Variants in PTPRB observed in about 807,000 individuals in gnomAD.
PTPRB encodes receptor-type tyrosine-protein phosphatase beta.
A neutral mutation model predicts 238.1 loss-of-function variants in PTPRB; 97 were observed. That is an observed-to-expected ratio of 0.41 (90% CI 0.35 to 0.48). The LOEUF (loss-of-function observed/expected upper bound fraction) is 0.48, where lower values mean the gene tolerates loss of function less well. Among genes scored for constraint, PTPRB ranks in the 20% least tolerant of loss-of-function variants. PTPRB has a pLI of 0.30. For synonymous variants in PTPRB, 970 were observed against 995.4 expected (o/e 0.97, Z 0.48); for missense variants, 2,292 against 2,681.9 (o/e 0.85, Z 3.21).
chr12:70,590,590 CTT>C (rs34092195), intron 7 of PTPRB, among the ~76,000 whole-genome samples: 10,821 of 106,028 alleles, frequency 0.1, 816 homozygotes, highest in African/African-American at 0.32. Context: ...AGATTAAGTT[CTT>C]TTTTTTTTTT....
chr12:70,521,996 A>G (rs1431429849), intron 33 of PTPRB, among the ~76,000 whole-genome samples: 1 of 152,222 alleles, frequency 6.6e-6, no homozygotes, highest in Non-Finnish European at 1.5e-5. Context: ...CCCATGCAAA[A>G]ACCTTAATTT....
chr12:70,556,900 C>T (rs1347081389), intron 18 of PTPRB, among the ~76,000 whole-genome samples: 1 of 152,176 alleles, frequency 6.6e-6, no homozygotes, highest in African/African-American at 2.4e-5. Context: ...TACTATGTGC[C>T]AGGTGCTCTT....
chr12:70,633,086 A>G (rs138199877), intron 2 of PTPRB, among the ~76,000 whole-genome samples: 172 of 152,334 alleles, frequency 1.1e-3, no homozygotes, highest in African/African-American at 4.1e-3. Flanking sequence ...AGAACACACA[A>G]AAAAATTCAC....
At chr12:70,601,087 C>T (rs185546256) in intron 4 of PTPRB, among the ~76,000 whole-genome samples, 4 of 152,132 alleles carry the variant, frequency 2.6e-5, no homozygotes, top group East Asian at 1.9e-4. Flanking sequence ...AGGCTGGTCT[C>T]GAACTCCTGA....
At chr12:70,573,420 C>T (rs955446824) in intron 11 of PTPRB, among the ~76,000 whole-genome samples, 5 of 151,032 alleles carry the variant, frequency 3.3e-5, no homozygotes, top group Non-Finnish European at 5.9e-5. Flanking sequence ...TTCTTGTGTA[C>T]ATGTTAAATT....
At chr12:70,564,843 AAATAATAATAAT>A (rs138995596) in intron 15 of PTPRB, among the ~76,000 whole-genome samples, 5,772 of 96,390 alleles carry the variant, frequency 0.06, 131 homozygotes, top group Non-Finnish European at 0.082. Flanking sequence ...CAAAAATAAT[AAATAATAATAAT>A]AATAATAATA....
chr12:70,602,407 T>C (rs1883586349), intron 4 of PTPRB, among the ~76,000 whole-genome samples: 1 of 152,328 alleles, frequency 6.6e-6, no homozygotes, highest in South Asian at 2.1e-4. Context: ...TAAAATGCTG[T>C]ATAAATGCAA....
chr12:70,588,747 G>A (rs1230439553), intron 8 of PTPRB, among the ~76,000 whole-genome samples: 1 of 152,162 alleles, frequency 6.6e-6, no homozygotes, highest in African/African-American at 2.4e-5. Flanking sequence ...GAGGCCAGGA[G>A]TTTGAGACCA....
chr12:70,576,259 A>G, intron 11 of PTPRB, 123 bp downstream of exon 11: 1 of 1,088,698 alleles, frequency 9.2e-7, no homozygotes, highest in African/African-American at 1.6e-5. Flanking sequence ...CGAAGACTTC[A>G]TAACAGTTTT....
chr12:70,594,548 T>A lies in PTPRB; in HGVS notation c.1435A>T (p.Thr479Ser). The stretch of plus-strand genomic sequence containing the variant: ...GTGAGGTTGTAGAGGTAGCCAGGGG[T>A]CAGCCCGTGAAAAGCATAGGAAGTA... ...HATSYAFHGL[T>S]PGYLYNLTVM... The change falls in exon 6 of 34, where the codon ACC becomes TCC. Residue 479 changes from threonine to serine, a missense_variant. This residue lies in a region of PTPRB where 1,205 missense variants were observed against 1,287.8 expected (regional missense o/e 0.94). Coordinates refer to ENST00000334414, the MANE Select transcript of PTPRB (RefSeq NM_001109754.4). The A allele has an allele frequency of 6.2e-7, 1 of 1,613,874 alleles. No homozygotes were observed.
intron 3 of PTPRB, among the ~76,000 whole-genome samples, chr12:70,621,984 C>T (rs1884958334): frequency 6.6e-6 from 1 of 152,176 alleles, no homozygotes. Flanking sequence ...TATAGTGATT[C>T]TTGAATCTGC....
chr12:70,622,469 G>A lies in PTPRB; in HGVS notation c.629C>T (p.Pro210Leu). 6.2e-7 allele frequency: 1 copy of A among 1,613,410 alleles called. No individual in the cohort carries two copies. The highest frequency in any genetic ancestry group is 8.5e-7 in the Non-Finnish European group (1 of 1,179,668). ...YSQNSSERQH[P>L]NLHMTGITDT... ...TGTAATTCCAGTCATGTGCAGATTGGGATGCTGCCTCTCGCTGCTGTTTTG... is the reference window on the plus strand; with the variant it reads ...TGTAATTCCAGTCATGTGCAGATTGAGATGCTGCCTCTCGCTGCTGTTTTG... The change falls in exon 3 of 34, where the codon CCC (proline) becomes CTC (leucine). Residue 210 changes from proline (P) to leucine (L), a missense_variant. This residue lies in a region of PTPRB where 1,205 missense variants were observed against 1,287.8 expected (regional missense o/e 0.94). Coordinates refer to ENST00000334414, the MANE Select transcript of PTPRB (RefSeq NM_001109754.4).
At chr12:70,566,821 G>T in intron 14 of PTPRB, 117 bp from the exon 15 acceptor site, 1 of 1,103,016 alleles carries the variant, frequency 9.1e-7, no homozygotes, top group Non-Finnish European at 1.3e-6. Flanking sequence ...TGCTTTATTT[G>T]TGTGTCATTG....
chr12:70,535,022 C>T, intron 29 of PTPRB, 67 bp from the exon 30 acceptor site: 1 of 1,539,944 alleles, frequency 6.5e-7, no homozygotes, highest in African/African-American at 1.4e-5. Context: ...CTGGGGTTTC[C>T]CTCCTCTAAA....
intron 2 of PTPRB, 81 bp from the exon 3 acceptor site, chr12:70,622,727 A>T (rs1239780013): frequency 1.4e-6 from 2 of 1,437,412 alleles, no homozygotes; most frequent in African/African-American, 2.9e-5. Flanking sequence ...TACTTAGCAA[A>T]AGAGGGCCTT....
intron 3 of PTPRB, 54 bp from the exon 4 acceptor site, chr12:70,609,393 ACATGTCCACAGCAAG>A: frequency 6.4e-7 from 1 of 1,573,162 alleles, no homozygotes; most frequent in South Asian, 1.2e-5. Flanking sequence ...CTGCTCAGGG[ACATGTCCACAGCAAG>A]CTCCTCAAGC....
chr12:70,631,232 T>C (rs552343657), intron 2 of PTPRB, among the ~76,000 whole-genome samples: 74 of 152,176 alleles, frequency 4.9e-4, no homozygotes, highest in African/African-American at 1.8e-3. Context: ...AAAACAGAGA[T>C]ATAGACCAAT....
chr12:70,596,080 A>G lies in PTPRB; in HGVS notation c.1227T>C (p.Arg409=), dbSNP rs770324416. 6.2e-7 allele frequency: 1 copy of G among 1,611,328 alleles called. No individual in the cohort carries two copies. Among genetic ancestry groups the G allele is most frequent in the South Asian group, 1.1e-5 (1 of 90,806 alleles). ...ATCCATTGGTATAAACTGAAAAAGA[A>G]CGTTTTCCTCCAGAAACAGCTGTGA... ...IAITAVSGGK[R]SFSVYTNGST... is the part of the protein sequence containing the mutation. Residue 409 remains arginine (R), a synonymous_variant, in exon 5 of 34, where the codon CGT becomes CGC. Coordinates refer to ENST00000334414, the MANE Select transcript of PTPRB (RefSeq NM_001109754.4).
chr12:70,592,579 T>C, intron 6 of PTPRB, 34 bp from the exon 7 acceptor site: 2 of 1,589,726 alleles, frequency 1.3e-6, no homozygotes, highest in Non-Finnish European at 1.7e-6. Context: ...AGACTTTTAC[T>C]CAGGATCTCT....
Sources: gnomAD v4.1 joint callset for allele counts (sites outside exome capture counted in the v4.1 genomes callset) on GRCh38, gnomAD v4.1.1 for gene constraint, gnomAD v4.1.1 regional missense constraint, MANE v1.5 for transcripts, NCBI Gene and HGNC (gene_info 2026-07-23, HGNC 2026-07-21) for gene names.